ZEB2: variants seen among roughly 807,000 people sequenced by gnomAD.
ZEB2 encodes zinc finger E-box binding homeobox 2.
ZEB2 carries 6 observed loss-of-function variants against 99.9 expected under a neutral mutation model. The observed-to-expected ratio is 0.06, with a 90% confidence interval of 0.03 to 0.12. ZEB2 has a LOEUF of 0.12. Ranked by LOEUF, ZEB2 falls within the 10% of genes least tolerant of loss-of-function variation. The pLI is 1.00. For synonymous variants in ZEB2, 517 were observed against 542.5 expected (o/e 0.95, Z 0.65); for missense variants, 969 against 1,502.8 (o/e 0.64, Z 5.87).
intron 4 of ZEB2, among the ~76,000 whole-genome samples, chr2:144,414,760 A>T (rs1489046158): frequency 3.3e-5 from 5 of 152,220 alleles, no homozygotes; most frequent in African/African-American, 9.7e-5. Flanking sequence ...TCAACATGAG[A>T]GAAAGAGGCA....
chr2:144,417,367 T>C (rs964033631), intron 4 of ZEB2, among the ~76,000 whole-genome samples: 3 of 152,202 alleles, frequency 2.0e-5, no homozygotes, highest in African/African-American at 7.2e-5. Context: ...TTTTAGTGGT[T>C]GTTAACAATG....
intron 2 of ZEB2, among the ~76,000 whole-genome samples, chr2:144,470,879 A>T (rs1316292132): frequency 6.6e-6 from 1 of 152,174 alleles, no homozygotes; most frequent in Non-Finnish European, 1.5e-5. Flanking sequence ...CCAGTTCTGA[A>T]GTAACCCTTT....
chr2:144,488,486 G>T (rs906798696), intron 2 of ZEB2, among the ~76,000 whole-genome samples: 13 of 151,966 alleles, frequency 8.6e-5, no homozygotes, highest in African/African-American at 2.4e-5. Context: ...ATCTTAAATG[G>T]ACATGCTTCT....
intron 2 of ZEB2, chr2:144,513,383 G>T (rs1004117970): frequency 7.4e-7 from 1 of 1,346,078 alleles, no homozygotes; most frequent in Non-Finnish European, 9.7e-7. Context: ...TTTGTAAAAA[G>T]CTCCCCTTCT....
intron 2 of ZEB2, among the ~76,000 whole-genome samples, chr2:144,440,010 T>G (rs1414818936): frequency 6.6e-6 from 1 of 152,240 alleles, no homozygotes; most frequent in Admixed American, 6.5e-5. Context: ...TTTTTTCTCT[T>G]CAAAGACACA....
intron 1 of ZEB2, chr2:144,517,784 C>T: frequency 1.5e-6 from 1 of 676,882 alleles, no homozygotes; most frequent in Non-Finnish European, 2.7e-6. Flanking sequence ...GGCTCGGGAA[C>T]TTGGGGTGAG....
chr2:144,388,454 A>T lies in ZEB2; in HGVS notation c.*997T>A, dbSNP rs1307805410. The stretch of plus-strand genomic sequence containing the variant: ...ACAGTATGAAATAAATAAAATTAGG[A>T]AATATAAAATGAGCCACATAAATAA... On this transcript the variant is annotated 3_prime_UTR_variant, in exon 10 of 10. Transcript: ENST00000627532. This position sits in a 1 kb window ranked among gnomAD's most constrained non-coding sequence, Gnocchi z 5.4. 1.3e-5 allele frequency: 2 copies of T among 154,688 alleles called. No homozygotes were observed. The highest frequency in any genetic ancestry group is 4.8e-5 in the African/African-American group (2 of 41,470). 9.6% of individuals were successfully genotyped at this position (154,688 alleles called of 1,614,324 possible).
At chr2:144,459,707 C>T (rs1440987049) in intron 2 of ZEB2, among the ~76,000 whole-genome samples, 1 of 152,068 alleles carries the variant, frequency 6.6e-6, no homozygotes, top group African/African-American at 2.4e-5. Flanking sequence ...TTTGTCACAT[C>T]CATATCTGAT....
intron 2 of ZEB2, among the ~76,000 whole-genome samples, chr2:144,483,148 A>ACACACACACACACACG (rs1704540839): frequency 6.9e-6 from 1 of 144,006 alleles, no homozygotes; most frequent in African/African-American, 2.5e-5. Context: ...ACACACACAC[A>ACACACACACACACACG]CACACACACA....
At chr2:144,400,958 T>A (rs1257631914) in intron 7 of ZEB2, among the ~76,000 whole-genome samples, 1 of 152,220 alleles carries the variant, frequency 6.6e-6, no homozygotes, top group African/African-American at 2.4e-5. Flanking sequence ...CCTCTAGATT[T>A]TGTAATAAAT....
At chr2:144,432,242 GACA>G (rs1703783583) in intron 2 of ZEB2, among the ~76,000 whole-genome samples, 1 of 152,078 alleles carries the variant, frequency 6.6e-6, no homozygotes, top group Non-Finnish European at 1.5e-5. Context: ...ACCTTCACAG[GACA>G]ACAATACTTC....
intron 1 of ZEB2, chr2:144,517,968 A>C (rs1705191665): frequency 5.9e-6 from 2 of 339,570 alleles, no homozygotes; most frequent in African/African-American, 4.8e-5. Flanking sequence ...CCCCTTTTGG[A>C]GTTTATCGAG....
intron 9 of ZEB2, among the ~76,000 whole-genome samples, chr2:144,393,358 CCTT>C (rs1237119083): frequency 6.6e-6 from 1 of 152,176 alleles, no homozygotes; most frequent in African/African-American, 2.4e-5. Flanking sequence ...CTCATAATTT[CCTT>C]CTTAAGTTAA....
At chr2:144,392,518 C>T (rs1703166080) in intron 9 of ZEB2, among the ~76,000 whole-genome samples, 1 of 152,130 alleles carries the variant, frequency 6.6e-6, no homozygotes, top group Non-Finnish European at 1.5e-5. Flanking sequence ...TATATTAATC[C>T]TGCATTATGA....
intron 2 of ZEB2, among the ~76,000 whole-genome samples, chr2:144,481,279 G>A (rs943971224): frequency 1.3e-5 from 2 of 152,144 alleles, no homozygotes; most frequent in East Asian, 1.9e-4. Context: ...AGTGTGCCCC[G>A]GGTTACACAG....
chr2:144,404,300 G>A (rs772656941), intron 5 of ZEB2, among the ~76,000 whole-genome samples, 170 bp from the exon 6 acceptor site: 25 of 145,054 alleles, frequency 1.7e-4, no homozygotes, highest in Admixed American at 4.4e-4. Context: ...CGCATGCCCA[G>A]GACAGACTTG....
intron 2 of ZEB2, chr2:144,511,800 A>T: frequency 1.6e-6 from 2 of 1,286,842 alleles, no homozygotes; most frequent in Non-Finnish European, 2.0e-6. Flanking sequence ...GACAGAAAAG[A>T]AGTAAAGAGG....
intron 2 of ZEB2, among the ~76,000 whole-genome samples, chr2:144,505,751 C>T (rs886494005): frequency 6.6e-6 from 1 of 152,152 alleles, no homozygotes; most frequent in Non-Finnish European, 1.5e-5. Context: ...GCCAGAAGCC[C>T]TATCAAAGAA....
At chr2:144,473,490 T>G (rs1221754135) in intron 2 of ZEB2, among the ~76,000 whole-genome samples, 1 of 152,130 alleles carries the variant, frequency 6.6e-6, no homozygotes, top group African/African-American at 2.4e-5. Context: ...CTTAAATTCT[T>G]GGGCTCAAGC....
Sources: gnomAD v4.1 joint callset for allele counts (sites outside exome capture counted in the v4.1 genomes callset) on GRCh38, gnomAD v4.1.1 for gene constraint, Gnocchi (gnomAD v3.1) non-coding constraint, MANE v1.5 for transcripts, NCBI Gene and HGNC (gene_info 2026-07-23, HGNC 2026-07-21) for gene names.